The following RBM47 variants were observed in gnomAD, a reference collection of about 807,000 sequenced individuals.
RBM47 encodes the protein RNA-binding protein 47.
A neutral mutation model predicts 47.1 loss-of-function variants in RBM47; 21 were observed. The ratio of observed to expected loss-of-function variants is 0.45; its 90% confidence interval spans 0.32 to 0.64. The LOEUF (loss-of-function observed/expected upper bound fraction) is 0.64. Ranked by LOEUF, RBM47 falls within the 30% of genes least tolerant of loss-of-function variation. The pLI, the probability that RBM47 is intolerant of heterozygous loss-of-function variation, is 0.05. For synonymous variants in RBM47, 375 were observed against 361.7 expected (o/e 1.04, Z -0.42); for missense variants, 708 against 870.9 (o/e 0.81, Z 2.35).
In RBM47 at chr4:40,629,798, C is replaced by T. The variant is rs1044849564; in HGVS notation, c.-642G>A. The T allele has an allele frequency of 3.3e-5, 5 of 152,230 alleles. No individual in the cohort carries two copies. The highest frequency in any genetic ancestry group is 1.2e-4 in the African/African-American group (5 of 41,460). 9.4% of individuals were successfully genotyped at this position (152,230 alleles called of 1,614,324 possible). ...AGGCCGGGAGCGCGCGGCGGTTCCACCCGCAGAGCGGCGCCGCGTCCCGGC... is the reference window on the plus strand; with the variant it reads ...AGGCCGGGAGCGCGCGGCGGTTCCATCCGCAGAGCGGCGCCGCGTCCCGGC... On this transcript the variant is annotated 5_prime_UTR_variant, in exon 1 of 7. It adds an upstream start codon to the 5' untranslated region. Coordinates refer to ENST00000295971, the MANE Select transcript of RBM47 (RefSeq NM_001098634.2).
chr4:40,546,886 C>T (rs930784332), intron 1 of RBM47, among the ~76,000 whole-genome samples: 4 of 152,190 alleles, frequency 2.6e-5, no homozygotes, highest in Non-Finnish European at 4.4e-5. Context: ...GCCCACACAT[C>T]AGTTTTTGGA....
intron 3 of RBM47, among the ~76,000 whole-genome samples, chr4:40,453,977 GA>G (rs1682236330): frequency 6.6e-6 from 1 of 152,146 alleles, no homozygotes; most frequent in African/African-American, 2.4e-5. Context: ...ACATTTCTAT[GA>G]GTGGAAATTT....
chr4:40,437,110 T>TATAAA (rs1434102827), intron 4 of RBM47, among the ~76,000 whole-genome samples: 1 of 59,654 alleles, frequency 1.7e-5, no homozygotes, highest in Non-Finnish European at 2.9e-5. Context: ...TATATATATA[T>TATAAA]AAAATACATA....
chr4:40,501,007 T>C (rs1194768572), intron 2 of RBM47, among the ~76,000 whole-genome samples: 1 of 151,880 alleles, frequency 6.6e-6, no homozygotes, highest in Non-Finnish European at 1.5e-5. Context: ...AACTGGCCAC[T>C]GGCAATGATT....
chr4:40,597,132 C>T (rs995685329), intron 1 of RBM47, among the ~76,000 whole-genome samples: 6 of 151,946 alleles, frequency 3.9e-5, no homozygotes, highest in Admixed American at 6.6e-5. Context: ...TGGTGGCACG[C>T]GCCTGTAGTC....
At chr4:40,505,786 G>C (rs529761354) in intron 2 of RBM47, among the ~76,000 whole-genome samples, 18 of 151,746 alleles carry the variant, frequency 1.2e-4, no homozygotes, top group Non-Finnish European at 2.4e-4. Context: ...CAGCTACTCA[G>C]AAGGCTGAGA....
intron 2 of RBM47, among the ~76,000 whole-genome samples, chr4:40,498,051 GTT>G (rs200147519): frequency 0.014 from 1,102 of 79,982 alleles, 41 homozygotes; most frequent in African/African-American, 0.05. Context: ...GTAAGTGCTT[GTT>G]TTATATATAT....
intron 2 of RBM47, among the ~76,000 whole-genome samples, chr4:40,493,558 C>A (rs1354796192): frequency 6.6e-6 from 1 of 152,126 alleles, no homozygotes; most frequent in Non-Finnish European, 1.5e-5. Context: ...CCAAGGCAGA[C>A]AGATCACCTG....
chr4:40,580,103 T>C (rs954840118), intron 1 of RBM47, among the ~76,000 whole-genome samples: 1 of 152,242 alleles, frequency 6.6e-6, no homozygotes, highest in South Asian at 2.1e-4. Flanking sequence ...AGTTCCAACA[T>C]GCCAAATATC....
intron 1 of RBM47, among the ~76,000 whole-genome samples, chr4:40,626,556 T>C (rs2154282498): frequency 6.6e-6 from 1 of 152,268 alleles, no homozygotes; most frequent in Non-Finnish European, 1.5e-5. Context: ...CTTGGCCGTT[T>C]ATTCCTCTAG....
intron 2 of RBM47, among the ~76,000 whole-genome samples, chr4:40,493,134 A>G (rs755393428): frequency 5.6e-4 from 86 of 152,220 alleles, no homozygotes; most frequent in Non-Finnish European, 1.1e-3. Context: ...TGTCAAATGA[A>G]GATCACATAA....
intron 2 of RBM47, among the ~76,000 whole-genome samples, chr4:40,488,499 A>G (rs995235747): frequency 6.6e-6 from 1 of 152,198 alleles, no homozygotes; most frequent in African/African-American, 2.4e-5. Context: ...ATTTGTTCTC[A>G]TATCATCATT....
At chr4:40,429,468 C>T (rs1715552255) in intron 6 of RBM47, among the ~76,000 whole-genome samples, 2 of 151,826 alleles carry the variant, frequency 1.3e-5, no homozygotes, top group South Asian at 4.2e-4. Context: ...GGAATGTATC[C>T]CCCAAGGATA....
chr4:40,500,810 A>C (rs1247243467), intron 2 of RBM47, among the ~76,000 whole-genome samples: 15 of 151,700 alleles, frequency 9.9e-5, no homozygotes, highest in Non-Finnish European at 2.2e-4. Flanking sequence ...TTCTCAATAC[A>C]TTTAAAACCT....
chr4:40,516,580 TCTA>T (rs373010310), intron 2 of RBM47, among the ~76,000 whole-genome samples: 4 of 152,276 alleles, frequency 2.6e-5, no homozygotes, highest in African/African-American at 9.6e-5. Context: ...TATTTCTCCT[TCTA>T]CTATTTTATG....
At chr4:40,583,610 G>A (rs1733208982) in intron 1 of RBM47, among the ~76,000 whole-genome samples, 1 of 151,908 alleles carries the variant, frequency 6.6e-6, no homozygotes, top group Non-Finnish European at 1.5e-5. Context: ...TGTAATCCCA[G>A]CACTTTGGGA....
At chr4:40,550,909 A>G (rs1230599022) in intron 1 of RBM47, among the ~76,000 whole-genome samples, 1 of 149,306 alleles carries the variant, frequency 6.7e-6, no homozygotes, top group African/African-American at 2.4e-5. Flanking sequence ...AAGGAATGCA[A>G]AAAAAAAAAA....
chr4:40,554,219 C>T lies in RBM47; in HGVS notation c.-239-9713G>A, dbSNP rs369030367. Among the ~76,000 whole-genome samples, 4 of 152,178 alleles carry T rather than the reference C, an allele frequency of 2.6e-5. No homozygotes were observed. In the East Asian group the frequency reaches 7.7e-4, roughly 29 times the overall value. On this transcript the variant is annotated intron_variant, in intron 1 of 6. Coordinates refer to ENST00000295971, the MANE Select transcript of RBM47 (RefSeq NM_001098634.2). ...ACTGTCCCAATGATAACTTCCTATCCGAGAACCATTTCCAGTCACTTGAGT... is the reference window on the plus strand; with the variant it reads ...ACTGTCCCAATGATAACTTCCTATCTGAGAACCATTTCCAGTCACTTGAGT...
In RBM47 at chr4:40,516,690, C is replaced by T. The variant is rs566967625; in HGVS notation, c.-155+27732G>A. On this transcript the variant is annotated intron_variant, in intron 2 of 6. Coordinates refer to ENST00000295971, the MANE Select transcript of RBM47 (RefSeq NM_001098634.2). ...AAGATCCAAAAACAGCCCAAGGTCA[C>T]TGAGCCATTGCTGACAGGCCAGGGG... 3.3e-5 allele frequency among the ~76,000 whole-genome samples: 5 copies of T among 152,328 alleles called. No individual in the cohort carries two copies. In the South Asian group the frequency reaches 1.0e-3, roughly 32 times the overall value.
Sources: gnomAD v4.1 joint callset for allele counts (sites outside exome capture counted in the v4.1 genomes callset) on GRCh38, gnomAD v4.1.1 for gene constraint, MANE v1.5 for transcripts, NCBI Gene and HGNC (gene_info 2026-07-23, HGNC 2026-07-21) for gene names.